SH3GLB2: variants seen among roughly 807,000 people sequenced by gnomAD.
SH3GLB2 encodes endophilin-B2.
A neutral mutation model predicts 48.0 loss-of-function variants in SH3GLB2; 24 were observed. The ratio of observed to expected loss-of-function variants is 0.50; its 90% CI spans 0.36 to 0.70. The LOEUF is 0.70. Among genes scored for constraint, SH3GLB2 ranks in the 30% least tolerant of loss-of-function variants. SH3GLB2 has a pLI of 0.00. For synonymous variants in SH3GLB2, 227 were observed against 207.6 expected, an observed-to-expected ratio of 1.09 and a Z score of -0.80; for missense variants, 425 against 516.0, an observed-to-expected ratio of 0.82 and a Z score of 1.71.
chr9:129,009,028 C>T, intron 10 of SH3GLB2, 78 bp downstream of exon 10: 2 of 1,585,256 alleles, frequency 1.3e-6, no homozygotes, highest in South Asian at 2.3e-5. Flanking sequence ...CCCCTCCAGG[C>T]CCCATGTGCC....
chr9:129,013,371 GGA>G (rs993123771), intron 5 of SH3GLB2: 10 of 341,370 alleles, frequency 2.9e-5, no homozygotes, highest in African/African-American at 1.0e-4. Flanking sequence ...CCTGGCTGAT[GGA>G]GAGAGTGTGT....
chr9:129,021,784 C>T (rs907378588), intron 2 of SH3GLB2, among the ~76,000 whole-genome samples: 2 of 151,858 alleles, frequency 1.3e-5, no homozygotes, highest in African/African-American at 4.8e-5. Flanking sequence ...CATGGTGAAA[C>T]CCCTTCTCTA....
chr9:129,018,953 T>G (rs889059125), intron 3 of SH3GLB2, among the ~76,000 whole-genome samples: 2 of 151,632 alleles, frequency 1.3e-5, no homozygotes, highest in African/African-American at 4.9e-5. Flanking sequence ...ACATGTCATA[T>G]GATTCCATTT....
In SH3GLB2 at chr9:129,008,185, G is replaced by A. The variant is rs1842870765; in HGVS notation, c.*499C>T. The A allele has an allele frequency of 6.0e-6, 1 of 166,194 alleles. No individual in the cohort carries two copies. The highest frequency in any genetic ancestry group is 1.5e-4 in the South Asian group (1 of 6,568). The allele number at this position is 166,194 out of a possible 1,614,324, so 10.3% of individuals were successfully genotyped here. On this transcript the variant is annotated 3_prime_UTR_variant, in exon 11 of 11. Coordinates refer to ENST00000372564, the MANE Select transcript of SH3GLB2 (RefSeq NM_020145.4). Reference sequence around the variant, plus strand: ...GTGGGAGGGGAGGATAGCACCGGAAGATGCTGCTCCGGGCCCAACACCAGC... The same window carrying A: ...GTGGGAGGGGAGGATAGCACCGGAAAATGCTGCTCCGGGCCCAACACCAGC...
At chr9:129,012,882 G>T (rs997261676) in intron 5 of SH3GLB2, 2 of 1,226,538 alleles carry the variant, frequency 1.6e-6, no homozygotes, top group Non-Finnish European at 2.3e-6. Context: ...GCACAGTAGA[G>T]GCTCTGGCGG....
At chr9:129,013,177 T>C (rs1843224563) in intron 5 of SH3GLB2, 1 of 737,068 alleles carries the variant, frequency 1.4e-6, no homozygotes, top group African/African-American at 1.7e-5. Flanking sequence ...TGAAGAGTCC[T>C]AACGTGTGCG....
intron 1 of SH3GLB2, among the ~76,000 whole-genome samples, chr9:129,022,915 G>A (rs766309412): frequency 4.0e-4 from 61 of 152,304 alleles, no homozygotes; most frequent in Non-Finnish European, 7.8e-4. Flanking sequence ...ACCCAGGGTC[G>A]GGGTTCAGAA....
chr9:129,021,082 C>T lies in SH3GLB2; in HGVS notation c.334+9G>A. ...TGACCCCTAGTCCCTGGCTGTGAGG[C>T]CTGCTCACCATAGGGGGTGGTCGGC... On this transcript the variant is annotated intron_variant, in intron 3 of 10. Coordinates refer to ENST00000372564, the MANE Select transcript of SH3GLB2 (RefSeq NM_020145.4). The T allele has an allele frequency of 6.3e-7, 1 of 1,588,392 alleles. No individual in the cohort carries two copies. The highest frequency in any genetic ancestry group is 8.6e-7 in the Non-Finnish European group (1 of 1,166,924).
Position 129,028,115 on chromosome 9 carries a change from T to C in SH3GLB2, c.40A>G (p.Ile14Val). 1 of 1,499,284 alleles carries C rather than the reference T, an allele frequency of 6.7e-7. No homozygotes were observed. The highest frequency in any genetic ancestry group is 8.9e-7 in the Non-Finnish European group (1 of 1,126,818). The allele number at this position is 1,499,284 out of a possible 1,614,324, so 92.9% of individuals were successfully genotyped here. A position where few individuals can be genotyped will look rare whatever the true frequency, so the allele number is the denominator to read the frequency against. ...ACCTGCACCGCCCGGGTGAAGAAGA[T>C]GCCCGCGTCCGACGCCAGCTTCTTC... Reference protein sequence around the residue: ...NMKKLASDAGIFFTRAVQFTE... With the variant: ...NMKKLASDAGVFFTRAVQFTE... Residue 14 changes from isoleucine (I) to valine (V), a missense_variant, in exon 1 of 11, where the codon ATC (isoleucine) becomes GTC (valine). Transcript: ENST00000372564.
At position 129,011,436 on chromosome 9, in the gene SH3GLB2, C is replaced by T. The variant is rs1262653804; in HGVS notation, c.625-743G>A. ...TAGGGTTGGCGGCCTGAGGGACAGT[C>T]ACCCAGCCACAGAACGACGGCACGG... On this transcript the variant is annotated intron_variant, in intron 6 of 10. Transcript: ENST00000372564. The surrounding 1 kb of genome is among the most constrained non-coding windows in gnomAD (Gnocchi z 4.5). 6.6e-6 allele frequency: 1 copy of T among 152,244 alleles called. No homozygotes were observed. Among genetic ancestry groups the T allele is most frequent in the Non-Finnish European group, 1.5e-5 (1 of 68,102 alleles). The allele number at this position is 152,244 out of a possible 1,614,324, so 9.4% of individuals were successfully genotyped here.
chr9:129,022,164 G>A (rs1843848399), intron 2 of SH3GLB2, 118 bp downstream of exon 2: 8 of 1,443,868 alleles, frequency 5.5e-6, no homozygotes, highest in Admixed American at 4.5e-5. Context: ...GAGCCCAAGA[G>A]TCTAGCTGAA....
At position 129,014,583 on chromosome 9, in the gene SH3GLB2, G is replaced by C. The variant is rs549849191; in HGVS notation, c.469-80C>G. 1.9e-5 allele frequency: 29 copies of C among 1,496,480 alleles called. No individual in the cohort carries two copies. The East Asian group carries it at 6.6e-4, about 34-fold the overall frequency. The allele number at this position is 1,496,480 out of a possible 1,614,324, so 92.7% of individuals were successfully genotyped here. ...AGCCATGCATGGCAAGATTGGTGCC[G>C]GGGACGATCAAGTCAAGATAGGGAA... On this transcript the variant is annotated intron_variant, in intron 4 of 10. Coordinates refer to ENST00000372564, the MANE Select transcript of SH3GLB2 (RefSeq NM_020145.4). This position sits in a 1 kb window ranked among gnomAD's most constrained non-coding sequence, Gnocchi z 4.1.
At position 129,014,352 on chromosome 9, in the gene SH3GLB2, A is replaced by G. The variant is rs1843300185; in HGVS notation, c.561+59T>C. Reference sequence around the variant, plus strand: ...AAATACCAGGTCCCTTCATGCCACCACCCCTTGGCTCCAGCCAGAGCCTGG... The same window carrying G: ...AAATACCAGGTCCCTTCATGCCACCGCCCCTTGGCTCCAGCCAGAGCCTGG... On this transcript the variant is annotated intron_variant, in intron 5 of 10. Transcript: ENST00000372564. This position sits in a 1 kb window ranked among gnomAD's most constrained non-coding sequence, Gnocchi z 4.1. The G allele has an allele frequency of 6.8e-7, 1 of 1,480,546 alleles. No individual in the cohort carries two copies. The highest frequency in any genetic ancestry group is 1.4e-5 in the African/African-American group (1 of 71,652). 91.7% of individuals were successfully genotyped at this position (1,480,546 alleles called of 1,614,324 possible). A position where few individuals can be genotyped will look rare whatever the true frequency, so the allele number is the denominator to read the frequency against.
intron 3 of SH3GLB2, among the ~76,000 whole-genome samples, chr9:129,019,251 G>A (rs1375264928): frequency 6.6e-6 from 1 of 151,856 alleles, no homozygotes; most frequent in Non-Finnish European, 1.5e-5. Context: ...AGAAGGGCAT[G>A]GTGGTGGACA....
chr9:129,009,819 T>C lies in SH3GLB2; in HGVS notation c.791A>G (p.Tyr264Cys), dbSNP rs534791079. 3 of 1,614,004 alleles carry C rather than the reference T, an allele frequency of 1.9e-6. No individual in the cohort carries two copies. The highest frequency in any genetic ancestry group is 2.2e-5 in the East Asian group (1 of 44,864). ...HEFVKSQTTY[Y>C]AQCYRHMLDL... ...CAGCATGTGGCGGTAGCACTGTGCG[T>C]AGTAGGTTGTCTGAGACTTGACGAA... The change falls in exon 9 of 11, where the codon TAC (tyrosine) becomes TGC (cysteine). Residue 264 changes from tyrosine to cysteine, a missense_variant. Physicochemically the swap from Tyr to Cys is radical, Grantham distance 194. Transcript: ENST00000372564.
At chr9:129,022,562 T>G (rs2131293899) in intron 1 of SH3GLB2, 139 bp from the exon 2 acceptor site, 1 of 668,404 alleles carries the variant, frequency 1.5e-6, no homozygotes, top group South Asian at 1.9e-5. Context: ...CAGCCCTGAG[T>G]GTGATACTGT....
Position 129,008,684 on chromosome 9 carries a change from C to T in SH3GLB2, c.1188G>A (p.Ter396=). 1 of 1,613,734 alleles carries T rather than the reference C, an allele frequency of 6.2e-7. No individual in the cohort carries two copies. The highest frequency in any genetic ancestry group is 8.5e-7 in the Non-Finnish European group (1 of 1,179,650). ...VPVTYLELLS[*] ...ATGCGGGGGGGATGGGGGCACCTGC[C>T]TAGCTGAGCAGTTCCAAGTAGGTGA... is the stretch of plus-strand genomic sequence containing the variant. Residue 396 remains the stop codon, a stop_retained_variant, in exon 11 of 11, where the codon TAG becomes TAA. Transcript: ENST00000372564.
chr9:129,008,977 A>T, intron 10 of SH3GLB2, 129 bp downstream of exon 10: 1 of 1,455,852 alleles, frequency 6.9e-7, no homozygotes, highest in Non-Finnish European at 9.3e-7. Flanking sequence ...AGAGCTGGAT[A>T]TGCCCTCTTT....
Position 129,028,172 on chromosome 9 carries a change from G to T in SH3GLB2, c.-18C>A. On this transcript the variant is annotated 5_prime_UTR_variant, in exon 1 of 11. Coordinates refer to ENST00000372564, the MANE Select transcript of SH3GLB2 (RefSeq NM_020145.4). Reference sequence around the variant, plus strand: ...AAGTCCATGGCGTGCCCGCACGGCCGCCGCGCACGGCCCGAGCGCAGCCGG... The same window carrying T: ...AAGTCCATGGCGTGCCCGCACGGCCTCCGCGCACGGCCCGAGCGCAGCCGG... 7.1e-7 allele frequency: 1 copy of T among 1,404,594 alleles called. No homozygotes were observed. The highest frequency in any genetic ancestry group is 9.3e-7 in the Non-Finnish European group (1 of 1,074,698). The allele number at this position is 1,404,594 out of a possible 1,614,324, so 87.0% of individuals were successfully genotyped here. A position where few individuals can be genotyped will look rare whatever the true frequency, so the allele number is the denominator to read the frequency against.
Sources: allele counts gnomAD v4.1 joint callset (sites outside exome capture counted in the v4.1 genomes callset), GRCh38; gene constraint gnomAD v4.1.1; non-coding constraint Gnocchi (gnomAD v3.1); transcripts MANE v1.5; gene names NCBI Gene and HGNC (gene_info 2026-07-23, HGNC 2026-07-21).